The following ZNF432 variants were observed in gnomAD, a reference collection of about 807,000 sequenced individuals.
ZNF432 encodes the protein zinc finger protein 432.
In ZNF432, 10 loss-of-function variants were observed where a neutral mutation model predicts 13.9. The ratio of observed to expected loss-of-function variants is 0.72; its 90% CI spans 0.44 to 1.22. The LOEUF (loss-of-function observed/expected upper bound fraction) is 1.22. Ranked by LOEUF, ZNF432 falls within the 50% of genes most tolerant of loss-of-function variation. The pLI is 0.00. For missense variants in ZNF432, 793 were observed against 796.2 expected, an observed-to-expected ratio of 1.00 and a Z score of 0.05; for synonymous variants, 247 against 256.2, an observed-to-expected ratio of 0.96 and a Z score of 0.34.
chr19:52,033,649 A>C lies in ZNF432; in HGVS notation c.*71T>G. ...TACTCAGTACACATGTAGAAAATCT[A>C]TACTGTGAAATCTCTGATGTTGTAC... is the stretch of plus-strand genomic sequence containing the variant. On this transcript the variant is annotated 3_prime_UTR_variant, in exon 5 of 5. Transcript: ENST00000221315. The C allele has an allele frequency of 6.7e-7, 1 of 1,481,894 alleles. No individual in the cohort carries two copies. The highest frequency in any genetic ancestry group is 9.0e-7 in the Non-Finnish European group (1 of 1,104,994). The allele number at this position is 1,481,894 out of a possible 1,614,324, so 91.8% of individuals were successfully genotyped here.
At position 52,033,751 on chromosome 19, in the gene ZNF432, T is replaced by G; in HGVS notation, c.1928A>C (p.His643Pro). The G allele has an allele frequency of 2.5e-6, 4 of 1,602,162 alleles. No homozygotes were observed. The highest frequency in any genetic ancestry group is 2.6e-6 in the Non-Finnish European group (3 of 1,175,492). Residue 643 changes from histidine to proline, a missense_variant, in exon 5 of 5, where the codon CAT becomes CCT. Coordinates refer to ENST00000221315, the MANE Select transcript of ZNF432 (RefSeq NM_014650.4). ...TTTGTTTCCATTATGAGTTCGCTGA[T>G]GTACAATGAGATTTCTCTTTGAGGA... Reference protein sequence around the residue: ...AFSSKRNLIVHQRTHNGNKP With the variant: ...AFSSKRNLIVPQRTHNGNKP
intron 4 of ZNF432, among the ~76,000 whole-genome samples, chr19:52,038,273 ACAATT>A (rs2087103572): frequency 6.6e-6 from 1 of 152,216 alleles, no homozygotes; most frequent in East Asian, 1.9e-4. Flanking sequence ...ATGGCCTTGC[ACAATT>A]CCTATTTCAT....
At chr19:52,048,204 GAA>G (rs1448730084) in intron 1 of ZNF432, among the ~76,000 whole-genome samples, 4 of 138,380 alleles carry the variant, frequency 2.9e-5, no homozygotes, top group East Asian at 2.1e-4. Context: ...GGGCTCTTGT[GAA>G]AAGACTTCGG....
At position 52,034,621 on chromosome 19, in the gene ZNF432, C is replaced by T. The variant is rs186477581; in HGVS notation, c.1058G>A (p.Gly353Asp). The change falls in exon 5 of 5, where the codon GGC becomes GAC. Residue 353 changes from glycine (G) to aspartate (D), a missense_variant. Gly to Asp is a moderately conservative substitution (Grantham distance 94). Coordinates refer to ENST00000221315, the MANE Select transcript of ZNF432 (RefSeq NM_014650.4). Reference sequence around the variant, plus strand: ...GATGACATAGTGTTTTGTGGTGAAGCCTTTCCCACATTCACTACAGATGTA... The same window carrying T: ...GATGACATAGTGTTTTGTGGTGAAGTCTTTCCCACATTCACTACAGATGTA... ...KPYICSECGK[G>D]FTTKHYVIIH... 1 of 1,613,218 alleles carries T rather than the reference C, an allele frequency of 6.2e-7. No homozygotes were observed. Among genetic ancestry groups the T allele is most frequent in the Non-Finnish European group, 8.5e-7 (1 of 1,179,714 alleles).
intron 2 of ZNF432, among the ~76,000 whole-genome samples, chr19:52,043,714 A>T (rs1471353832): frequency 6.6e-6 from 1 of 152,258 alleles, no homozygotes; most frequent in African/African-American, 2.4e-5. Context: ...AAACCGCCTT[A>T]GGGCTGGAGG....
chr19:52,044,014 TTGTCTC>T (rs59198172), intron 2 of ZNF432, among the ~76,000 whole-genome samples: 2,929 of 152,226 alleles, frequency 0.019, 87 homozygotes, highest in African/African-American at 0.067. Context: ...TCTCTATACT[TTGTCTC>T]TGTGTCTTTT....
Position 52,046,855 on chromosome 19 carries a change from T to C in ZNF432, c.14A>G (p.Gln5Arg), listed in dbSNP as rs1246479026. 1 of 1,613,586 alleles carries C rather than the reference T, an allele frequency of 6.2e-7. No homozygotes were observed. The highest frequency in any genetic ancestry group is 1.3e-5 in the African/African-American group (1 of 74,946). ...AGAATAAAATAGAGAAAAAGTCACC[T>C]GGGCATTGATCATTTTCTTCTGTTG... MINA[Q>R]ELLTLEDVTV... Residue 5 changes from glutamine to arginine, a missense_variant and splice_region_variant, in exon 2 of 5, where the codon CAG (glutamine) becomes CGG (arginine). Physicochemically the swap from Gln to Arg is conservative, Grantham distance 43. Transcript: ENST00000221315.
chr19:52,037,874 C>G (rs1200704606), intron 4 of ZNF432, among the ~76,000 whole-genome samples: 1 of 150,780 alleles, frequency 6.6e-6, no homozygotes, highest in Non-Finnish European at 1.5e-5. Context: ...CCACCAATAA[C>G]ATCTACTTCA....
Position 52,032,835 on chromosome 19 carries a change from G to A in ZNF432, c.*885C>T, listed in dbSNP as rs2123139620. On this transcript the variant is annotated 3_prime_UTR_variant, in exon 5 of 5. Coordinates refer to ENST00000221315, the MANE Select transcript of ZNF432 (RefSeq NM_014650.4). The stretch of plus-strand genomic sequence containing the variant: ...TTTTATTTCTGTATGAAGTAATGAT[G>A]ATGAGGCAGCATGTATCACTGAAAT... The A allele has an allele frequency of 6.6e-6, 1 of 152,314 alleles. No individual in the cohort carries two copies. Among genetic ancestry groups the A allele is most frequent in the East Asian group, 1.9e-4 (1 of 5,188 alleles). The allele number at this position is 152,314 out of a possible 1,614,324, so 9.4% of individuals were successfully genotyped here. A position where few individuals can be genotyped will look rare whatever the true frequency, so the allele number is the denominator to read the frequency against.
intron 4 of ZNF432, among the ~76,000 whole-genome samples, chr19:52,038,754 T>A (rs2087107479): frequency 1.3e-5 from 2 of 152,268 alleles, no homozygotes; most frequent in Non-Finnish European, 2.9e-5. Flanking sequence ...GGTAATCTTC[T>A]GTGTAGTGAG....
At chr19:52,046,370 AC>A (rs2087183466) in intron 2 of ZNF432, among the ~76,000 whole-genome samples, 1 of 152,146 alleles carries the variant, frequency 6.6e-6, no homozygotes, top group Non-Finnish European at 1.5e-5. Context: ...AACTGTTTCC[AC>A]TGAGTTTGCC....
chr19:52,041,400 A>C (rs1209210326), intron 3 of ZNF432, 80 bp downstream of exon 3: 1 of 1,488,082 alleles, frequency 6.7e-7, no homozygotes, highest in African/African-American at 1.4e-5. Context: ...GCACTGCAGT[A>C]ACTTCCAAGG....
At position 52,035,372 on chromosome 19, in the gene ZNF432, G is replaced by C. The variant is rs767615018; in HGVS notation, c.307C>G (p.Gln103Glu). The change falls in exon 5 of 5, where the codon CAA (glutamine) becomes GAA (glutamate). Residue 103 changes from glutamine to glutamate, a missense_variant. Transcript: ENST00000221315. ...CCAAATGCATTATGTTCATGGTATTGTTCCACACTCTTCAGCATCCTTTGA... is the reference window on the plus strand; with the variant it reads ...CCAAATGCATTATGTTCATGGTATTCTTCCACACTCTTCAGCATCCTTTGA... ...ENQRMLKSVE[Q>E]YHEHNAFGNT... The C allele has an allele frequency of 1.2e-6, 2 of 1,600,344 alleles. No individual in the cohort carries two copies. The highest frequency in any genetic ancestry group is 4.5e-5 in the East Asian group (2 of 44,820).
chr19:52,035,448 A>G lies in ZNF432; in HGVS notation c.239-8T>C. 3 of 1,523,950 alleles carry G rather than the reference A, an allele frequency of 2.0e-6. No individual in the cohort carries two copies. Among genetic ancestry groups the G allele is most frequent in the Non-Finnish European group, 2.6e-6 (3 of 1,141,830 alleles). The allele number at this position is 1,523,950 out of a possible 1,614,324, so 94.4% of individuals were successfully genotyped here. The stretch of plus-strand genomic sequence containing the variant: ...CATCAACTTCGTTGTTTTCTAGGAA[A>G]GAAGAGAACAATGAATCCTTTTATA... On this transcript the variant is annotated splice_region_variant and splice_polypyrimidine_tract_variant and intron_variant, in intron 4 of 4. Coordinates refer to ENST00000221315, the MANE Select transcript of ZNF432 (RefSeq NM_014650.4).
chr19:52,043,939 G>A (rs908668312), intron 2 of ZNF432, among the ~76,000 whole-genome samples: 6 of 152,096 alleles, frequency 3.9e-5, no homozygotes, highest in African/African-American at 1.4e-4. Flanking sequence ...AATACTAAGG[G>A]AACTCAGAGG....
At chr19:52,045,969 G>A (rs2087177714) in intron 2 of ZNF432, among the ~76,000 whole-genome samples, 1 of 146,934 alleles carries the variant, frequency 6.8e-6, no homozygotes, top group African/African-American at 2.5e-5. Flanking sequence ...ACTCCGGCTT[G>A]GGCAACAGAG....
chr19:52,035,902 A>G (rs559162128), intron 4 of ZNF432, among the ~76,000 whole-genome samples: 1 of 152,328 alleles, frequency 6.6e-6, no homozygotes, highest in Admixed American at 6.5e-5. Context: ...TCATGTATAC[A>G]CTTTGGTAAA....
chr19:52,035,479 G>C (rs765155662), intron 4 of ZNF432, 39 bp from the exon 5 acceptor site: 5 of 1,448,246 alleles, frequency 3.5e-6, no homozygotes, highest in Non-Finnish European at 4.6e-6. Context: ...TTATAATCTT[G>C]TTGGGGATAA....
At chr19:52,035,557 G>T in intron 4 of ZNF432, 117 bp from the exon 5 acceptor site, 1 of 873,516 alleles carries the variant, frequency 1.1e-6, no homozygotes, top group Non-Finnish European at 1.6e-6. Context: ...TTTTGAGACA[G>T]AGTCTCGCTC....
Sources: allele counts gnomAD v4.1 joint callset (sites outside exome capture counted in the v4.1 genomes callset), GRCh38; gene constraint gnomAD v4.1.1; transcripts MANE v1.5; gene names NCBI Gene and HGNC (gene_info 2026-07-23, HGNC 2026-07-21).